The following CACNA2D3 variants were observed in gnomAD, a reference collection of about 807,000 sequenced individuals.
CACNA2D3 encodes the protein calcium voltage-gated channel auxiliary subunit alpha2delta 3.
In CACNA2D3, 60 loss-of-function variants were observed where a neutral mutation model predicts 160.6. The observed-to-expected ratio is 0.37, with a 90% CI of 0.30 to 0.46. The LOEUF (loss-of-function observed/expected upper bound fraction) is 0.46, where lower values mean the gene tolerates loss of function less well. Ranked by LOEUF, CACNA2D3 falls within the 20% of genes least tolerant of loss-of-function variation. The probability of loss-of-function intolerance (pLI) is 1.00; values close to 1 mark genes in which losing one functional copy is unlikely to be tolerated. For synonymous variants in CACNA2D3, 558 were observed against 492.9 expected (o/e 1.13, Z -1.75); for missense variants, 1,205 against 1,365.0 (o/e 0.88, Z 1.85).
intron 17 of CACNA2D3, among the ~76,000 whole-genome samples, chr3:54,865,969 C>T (rs928910770): frequency 6.6e-6 from 1 of 151,920 alleles, no homozygotes; most frequent in African/African-American, 2.4e-5. Flanking sequence ...CCAGACCACA[C>T]AGCATGTAGA....
intron 9 of CACNA2D3, among the ~76,000 whole-genome samples, chr3:54,601,953 T>A (rs569504431): frequency 1.4e-3 from 213 of 151,952 alleles, no homozygotes; most frequent in Admixed American, 3.1e-3. Flanking sequence ...AGAAAAAAAA[T>A]ACTGTTTTCT....
rs200867000 is a variant in CACNA2D3, at chr3:54,241,245, G to A, written c.205-79197G>A. On this transcript the variant is annotated intron_variant, in intron 2 of 37. Transcript: ENST00000474759. ...AAAAATCTCAGTGCTGGCCTGCACA[G>A]GGCTGTTGTTTAATGATCATGACTG... Among the ~76,000 whole-genome samples, 28 of 152,308 alleles carry A rather than the reference G, an allele frequency of 1.8e-4. No homozygotes were observed. The East Asian group carries it at 4.6e-3, about 25-fold the overall frequency.
At chr3:54,971,749 A>G (rs941402395) in intron 29 of CACNA2D3, among the ~76,000 whole-genome samples, 1 of 152,206 alleles carries the variant, frequency 6.6e-6, no homozygotes, top group Non-Finnish European at 1.5e-5. Context: ...CTGCTTTCAC[A>G]GGCAGTCTAA....
chr3:54,751,059 T>TGC (rs1559568812), intron 11 of CACNA2D3, among the ~76,000 whole-genome samples: 1 of 152,000 alleles, frequency 6.6e-6, no homozygotes, highest in Non-Finnish European at 1.5e-5. Flanking sequence ...TGTGAGCCAC[T>TGC]GCGCTCAGCT....
chr3:54,547,936 C>T (rs929639084), intron 5 of CACNA2D3, among the ~76,000 whole-genome samples: 1 of 152,140 alleles, frequency 6.6e-6, no homozygotes, highest in African/African-American at 2.4e-5. Flanking sequence ...TCAAATGATC[C>T]TCCTGCCTTG....
At chr3:54,746,409 G>A (rs1345397289) in intron 11 of CACNA2D3, among the ~76,000 whole-genome samples, 3 of 152,156 alleles carry the variant, frequency 2.0e-5, no homozygotes, top group Non-Finnish European at 4.4e-5. Flanking sequence ...CCTTTCTAAA[G>A]CTGAAGTCAT....
At chr3:54,756,187 C>T (rs56225374) in intron 12 of CACNA2D3, among the ~76,000 whole-genome samples, 3,558 of 152,230 alleles carry the variant, frequency 0.023, 66 homozygotes, top group Non-Finnish European at 0.039. Context: ...TTCTCCTTCC[C>T]TTCCTGTCTA....
chr3:54,841,978 A>G (rs1698829593), intron 16 of CACNA2D3, among the ~76,000 whole-genome samples: 1 of 152,216 alleles, frequency 6.6e-6, no homozygotes, highest in South Asian at 2.1e-4. Flanking sequence ...GGCACTGTAC[A>G]TTAGAATGGA....
At chr3:54,490,668 G>A (rs975479533) in intron 4 of CACNA2D3, among the ~76,000 whole-genome samples, 1 of 152,332 alleles carries the variant, frequency 6.6e-6, no homozygotes, top group Non-Finnish European at 1.5e-5. Context: ...ATGCTGGGAA[G>A]GACAGATGCT....
intron 11 of CACNA2D3, among the ~76,000 whole-genome samples, chr3:54,647,112 G>C (rs2106856736): frequency 6.6e-6 from 1 of 152,298 alleles, no homozygotes; most frequent in East Asian, 1.9e-4. Context: ...CCCCAGTCAA[G>C]CCTGCAGATG....
At chr3:54,883,794 A>G (rs143151453) in intron 21 of CACNA2D3, among the ~76,000 whole-genome samples, 891 of 43,294 alleles carry the variant, frequency 0.021, 11 homozygotes, top group African/African-American at 0.06. Flanking sequence ...CATAGTTACA[A>G]TGGAATCTCT....
intron 2 of CACNA2D3, among the ~76,000 whole-genome samples, chr3:54,174,186 A>G (rs1202261608): frequency 1.3e-5 from 2 of 152,188 alleles, no homozygotes; most frequent in African/African-American, 2.4e-5. Context: ...GTAGGAAACT[A>G]TGGCCCCATG....
At chr3:54,761,037 T>C (rs1344671) in intron 12 of CACNA2D3, among the ~76,000 whole-genome samples, 31,675 of 151,934 alleles carry the variant, frequency 0.21, 3,807 homozygotes, top group South Asian at 0.3. Flanking sequence ...CTCAGCTCTG[T>C]CCTTTTCCAA....
intron 2 of CACNA2D3, among the ~76,000 whole-genome samples, chr3:54,317,711 G>A (rs1046792295): frequency 3.3e-5 from 5 of 152,068 alleles, no homozygotes; most frequent in Admixed American, 6.5e-5. Context: ...CTAATTTTTT[G>A]TATTTTTAGT....
intron 2 of CACNA2D3, among the ~76,000 whole-genome samples, chr3:54,265,631 G>GTA (rs1158709460): frequency 2.9e-4 from 29 of 101,176 alleles, no homozygotes; most frequent in Middle Eastern, 6.2e-3. Context: ...TATATAGTGT[G>GTA]TATATATATA....
intron 2 of CACNA2D3, among the ~76,000 whole-genome samples, chr3:54,138,049 C>T (rs919023909): frequency 1.3e-5 from 2 of 152,216 alleles, no homozygotes; most frequent in Admixed American, 1.3e-4. Context: ...CATTTCACCA[C>T]TGCGACGATC....
intron 13 of CACNA2D3, among the ~76,000 whole-genome samples, chr3:54,799,936 G>A (rs965251811): frequency 3.0e-4 from 45 of 152,240 alleles, no homozygotes; most frequent in African/African-American, 1.0e-3. Flanking sequence ...AACTTTCTCG[G>A]CATAGTGTTT....
chr3:54,183,872 C>T (rs974387845), intron 2 of CACNA2D3, among the ~76,000 whole-genome samples: 1 of 64,510 alleles, frequency 1.6e-5, no homozygotes, highest in African/African-American at 6.5e-5. Context: ...GCAACAAAAG[C>T]GAAACTCCGT....
intron 2 of CACNA2D3, among the ~76,000 whole-genome samples, chr3:54,209,641 A>G (rs1233418735): frequency 6.6e-6 from 1 of 152,222 alleles, no homozygotes; most frequent in Non-Finnish European, 1.5e-5. Flanking sequence ...CAGTAATGGT[A>G]GAATCTCTCA....
Sources: allele counts gnomAD v4.1 joint callset (sites outside exome capture counted in the v4.1 genomes callset), GRCh38; gene constraint gnomAD v4.1.1; transcripts MANE v1.5; gene names NCBI Gene and HGNC (gene_info 2026-07-23, HGNC 2026-07-21).